PHF24: variants seen among roughly 807,000 people sequenced by gnomAD.
PHF24 encodes PHD finger protein 24, also known as Galpha inhibitory interacting protein.
PHF24 carries 25 observed loss-of-function variants against 42.6 expected under a neutral mutation model. The ratio of observed to expected loss-of-function variants is 0.59; its 90% confidence interval spans 0.43 to 0.82. PHF24 has a LOEUF of 0.82. Among genes scored for constraint, PHF24 ranks in the 40% least tolerant of loss-of-function variants. The probability of loss-of-function intolerance (pLI) is 0.00; values close to 1 mark genes in which losing one functional copy is unlikely to be tolerated. For synonymous variants in PHF24, 185 were observed against 204.8 expected (o/e 0.90, Z 0.83); for missense variants, 470 against 538.1 (o/e 0.87, Z 1.25).
At position 34,977,643 on chromosome 9, in the gene PHF24, T is replaced by G; in HGVS notation, c.1106+2T>G. On this transcript the variant is annotated splice_donor_variant, in intron 7 of 7. Coordinates refer to ENST00000242315, the Ensembl canonical transcript of PHF24. LOFTEE classifies it high-confidence loss of function. The stretch of plus-strand genomic sequence containing the variant: ...GCTGCCCACAGAGCAGGAGTCCAGG[T>G]GAGTAGGACCTCCTCACCTGGCCAT... 1 of 1,588,388 alleles carries G rather than the reference T, an allele frequency of 6.3e-7. No individual in the cohort carries two copies. Among genetic ancestry groups the G allele is most frequent in the Non-Finnish European group, 8.6e-7 (1 of 1,165,960 alleles).
the PHF24 span, among the ~76,000 whole-genome samples, chr9:34,757,046 A>C: frequency 6.6e-6 from 1 of 152,068 alleles, no homozygotes; most frequent in Non-Finnish European, 1.5e-5. Flanking sequence ...CTGGGATTAC[A>C]GGCACCCGCC....
chr9:34,903,588 A>T, the PHF24 span, among the ~76,000 whole-genome samples: 11,590 of 152,178 alleles, frequency 0.076, 694 homozygotes, highest in African/African-American at 0.16. Context: ...ACATGAAATA[A>T]AGTAAATTTT....
the PHF24 span, among the ~76,000 whole-genome samples, chr9:34,713,425 CTG>C: frequency 3.3e-5 from 5 of 152,150 alleles, no homozygotes; most frequent in Non-Finnish European, 7.3e-5. Flanking sequence ...GCTATCCCCA[CTG>C]TGTTGGTTGG....
At chr9:34,924,549 GT>G in the PHF24 span, among the ~76,000 whole-genome samples, 1 of 152,054 alleles carries the variant, frequency 6.6e-6, no homozygotes, top group East Asian at 1.9e-4. Flanking sequence ...TCTTTTTATG[GT>G]TTTTGTCTTG....
At chr9:34,964,985 C>T (rs1826719297) in intron 1 of PHF24, among the ~76,000 whole-genome samples, 1 of 152,158 alleles carries the variant, frequency 6.6e-6, no homozygotes, top group African/African-American at 2.4e-5. Flanking sequence ...TCCCACCCAC[C>T]AGCGAAAGAA....
chr9:34,892,538 G>T, the PHF24 span: 31 of 413,784 alleles, frequency 7.5e-5, no homozygotes, highest in Non-Finnish European at 1.1e-4. Context: ...AGATTCCTCA[G>T]GACTTTTTGG....
chr9:34,869,581 T>A, the PHF24 span, among the ~76,000 whole-genome samples: 1 of 152,120 alleles, frequency 6.6e-6, no homozygotes, highest in Admixed American at 6.6e-5. Context: ...CAGCTCCCCC[T>A]GCCTCCCACT....
chr9:34,697,679 A>G, the PHF24 span, among the ~76,000 whole-genome samples: 1 of 152,222 alleles, frequency 6.6e-6, no homozygotes, highest in Non-Finnish European at 1.5e-5. Context: ...TATACCTTGA[A>G]TAGTAAAGTA....
exon 8 of PHF24, chr9:34,980,736 C>T (rs1010101095): frequency 6.6e-6 from 1 of 152,218 alleles, no homozygotes; most frequent in African/African-American, 2.4e-5. Flanking sequence ...CTGCCAAGTA[C>T]AAATATTAGC....
the PHF24 span, among the ~76,000 whole-genome samples, chr9:34,749,250 C>A: frequency 6.6e-6 from 1 of 151,970 alleles, no homozygotes; most frequent in Non-Finnish European, 1.5e-5. Flanking sequence ...TAAGGGTTAT[C>A]GGTCTGAAAG....
chr9:34,833,556 G>T, the PHF24 span: 1 of 1,551,614 alleles, frequency 6.4e-7, no homozygotes, highest in Non-Finnish European at 8.7e-7. Context: ...GCAGCAGTTT[G>T]TTCCCTGGAC....
At chr9:34,964,984 C>T (rs993877533) in intron 1 of PHF24, among the ~76,000 whole-genome samples, 2 of 152,190 alleles carry the variant, frequency 1.3e-5, no homozygotes, top group African/African-American at 4.8e-5. Context: ...GTCCCACCCA[C>T]CAGCGAAAGA....
At chr9:34,865,259 A>T in the PHF24 span, among the ~76,000 whole-genome samples, 1 of 151,840 alleles carries the variant, frequency 6.6e-6, no homozygotes, top group African/African-American at 2.4e-5. Context: ...GAATTATAAG[A>T]TAGTATTTGA....
At chr9:34,887,721 A>AT in the PHF24 span, among the ~76,000 whole-genome samples, 19 of 151,998 alleles carry the variant, frequency 1.3e-4, no homozygotes, top group Non-Finnish European at 2.4e-4. Flanking sequence ...CATTACCCTG[A>AT]TTTTTTTGCA....
At chr9:34,731,996 A>G in the PHF24 span, among the ~76,000 whole-genome samples, 3 of 149,818 alleles carry the variant, frequency 2.0e-5, no homozygotes, top group Non-Finnish European at 3.0e-5. Context: ...GACCACAGAC[A>G]TGCACCACCA....
the PHF24 span, among the ~76,000 whole-genome samples, chr9:34,797,252 G>A: frequency 2.0e-5 from 3 of 152,190 alleles, no homozygotes; most frequent in African/African-American, 4.8e-5. Context: ...TGAAGCCCCA[G>A]TGGGTATGTA....
chr9:34,894,498 C>T, the PHF24 span: 3 of 398,460 alleles, frequency 7.5e-6, no homozygotes, highest in African/African-American at 2.1e-5. Flanking sequence ...TGAAGTTCTC[C>T]TAGCTGAAGA....
At chr9:34,933,682 G>A in the PHF24 span, among the ~76,000 whole-genome samples, 9 of 150,038 alleles carry the variant, frequency 6.0e-5, no homozygotes, top group South Asian at 8.4e-4. Context: ...CTGAGATCAC[G>A]CCACTGCACT....
chr9:34,830,657 G>T, the PHF24 span, among the ~76,000 whole-genome samples: 1 of 152,156 alleles, frequency 6.6e-6, no homozygotes, highest in African/African-American at 2.4e-5. Flanking sequence ...CTGGGATTGG[G>T]GTGGGAGGCT....
Sources: gnomAD v4.1 joint callset for allele counts (sites outside exome capture counted in the v4.1 genomes callset) on GRCh38, gnomAD v4.1.1 for gene constraint, MANE v1.5 for transcripts, NCBI Gene and HGNC (gene_info 2026-07-23, HGNC 2026-07-21) for gene names.